PIKFYVE: variants seen among roughly 807,000 people sequenced by gnomAD.
PIKFYVE encodes phosphoinositide kinase, FYVE-type zinc finger containing.
A neutral mutation model predicts 257.9 loss-of-function variants in PIKFYVE; 122 were observed. The ratio of observed to expected loss-of-function variants is 0.47; its 90% CI spans 0.41 to 0.55. PIKFYVE has a LOEUF of 0.55. Ranked by LOEUF, PIKFYVE falls within the 20% of genes least tolerant of loss-of-function variation. The pLI is 0.00. For synonymous variants in PIKFYVE, 892 were observed against 868.9 expected (o/e 1.03, Z -0.47); for missense variants, 2,160 against 2,536.6 (o/e 0.85, Z 3.19).
chr2:208,309,108 T>C (rs1040336145), intron 12 of PIKFYVE, among the ~76,000 whole-genome samples: 1 of 152,230 alleles, frequency 6.6e-6, no homozygotes, highest in Non-Finnish European at 1.5e-5. Context: ...TCCTAGGTTA[T>C]GTTATAGGGA....
intron 32 of PIKFYVE, among the ~76,000 whole-genome samples, chr2:208,343,546 C>T (rs1251855723): frequency 6.6e-6 from 1 of 152,102 alleles, no homozygotes; most frequent in Non-Finnish European, 1.5e-5. Context: ...AAGAGATGAA[C>T]AACAACAATA....
At chr2:208,339,903 A>G (rs1698540022) in intron 30 of PIKFYVE, 108 bp from the exon 31 acceptor site, 6 of 1,255,764 alleles carry the variant, frequency 4.8e-6, no homozygotes, top group Non-Finnish European at 6.8e-6. Context: ...TGTTATTGGT[A>G]TAGTATACAT....
At chr2:208,324,777 A>T (rs1029737363) in intron 18 of PIKFYVE, 134 bp from the exon 19 acceptor site, 1 of 1,104,858 alleles carries the variant, frequency 9.1e-7, no homozygotes, top group Non-Finnish European at 1.3e-6. Flanking sequence ...AGAATAAAAA[A>T]ATTCATCATA....
chr2:208,268,278 T>G (rs770755406), intron 1 of PIKFYVE, among the ~76,000 whole-genome samples: 1 of 152,214 alleles, frequency 6.6e-6, no homozygotes, highest in Non-Finnish European at 1.5e-5. Flanking sequence ...ATAATTTTTG[T>G]GTAGATAACC....
intron 12 of PIKFYVE, among the ~76,000 whole-genome samples, chr2:208,307,011 C>T (rs911962678): frequency 3.3e-5 from 5 of 152,016 alleles, no homozygotes; most frequent in Non-Finnish European, 7.4e-5. Context: ...ACTCCTGGCC[C>T]CAAGTGATTC....
chr2:208,326,390 G>A lies in PIKFYVE; in HGVS notation c.3579G>A (p.Glu1193=), dbSNP rs755850909. The change falls in exon 20 of 42, where the codon GAG becomes GAA. Residue 1193 remains glutamate (E), a synonymous_variant. Coordinates refer to ENST00000264380, the MANE Select transcript of PIKFYVE (RefSeq NM_015040.4). ...GAAGCAAAAATGAGGGTGATGAAGA[G>A]AGAGGGCTTATTCTGAGTGATGCTG... The part of the protein sequence containing the change: ...QSGSKNEGDE[E]RGLILSDAVW... The A allele has an allele frequency of 1.9e-6, 3 of 1,613,988 alleles. No homozygotes were observed. Among genetic ancestry groups the A allele is most frequent in the South Asian group, 2.2e-5 (2 of 91,086 alleles).
chr2:208,355,050 A>G, intron 41 of PIKFYVE, 140 bp from the exon 42 acceptor site: 2 of 730,656 alleles, frequency 2.7e-6, no homozygotes, highest in East Asian at 2.7e-5. Context: ...GGCACAACAG[A>G]TAACCTTTCC....
In PIKFYVE at chr2:208,346,033, T is replaced by G. The variant is rs759829101; in HGVS notation, c.5112-17T>G. The G allele has an allele frequency of 6.3e-7, 1 of 1,597,260 alleles. No individual in the cohort carries two copies. The highest frequency in any genetic ancestry group is 1.7e-5 in the Admixed American group (1 of 59,936). On this transcript the variant is annotated splice_polypyrimidine_tract_variant and intron_variant, in intron 33 of 41. Transcript: ENST00000264380. ...TGTATAAAACTAAATTTTTCTTTTT[T>G]TTTCTTTTCATTTTAGTACTTCAGA... is the stretch of plus-strand genomic sequence containing the variant.
chr2:208,358,089 C>T lies in PIKFYVE; in HGVS notation c.*2784C>T, dbSNP rs1700261619. Reference sequence around the variant, plus strand: ...ATTTCCTACAAACTATAATTTTTTCCATGATTTAGCAGTGAGTGATTTTCT... The same window carrying T: ...ATTTCCTACAAACTATAATTTTTTCTATGATTTAGCAGTGAGTGATTTTCT... On this transcript the variant is annotated 3_prime_UTR_variant, in exon 42 of 42. Transcript: ENST00000264380. 6.6e-6 allele frequency: 1 copy of T among 151,890 alleles called. No individual in the cohort carries two copies. The highest frequency in any genetic ancestry group is 1.5e-5 in the Non-Finnish European group (1 of 67,974). The allele number at this position is 151,890 out of a possible 1,614,324, so 9.4% of individuals were successfully genotyped here.
chr2:208,325,536 G>A lies in PIKFYVE; in HGVS notation c.2725G>A (p.Gly909Ser), dbSNP rs1424012575. 2.5e-6 allele frequency: 4 copies of A among 1,614,022 alleles called. No individual in the cohort carries two copies. Among genetic ancestry groups the A allele is most frequent in the Non-Finnish European group, 3.4e-6 (4 of 1,179,988 alleles). Residue 909 changes from glycine (G) to serine (S), a missense_variant, in exon 20 of 42, where the codon GGT becomes AGT. Around this residue, in one of 12 missense-constraint regions of PIKFYVE, gnomAD observed 522 missense variants for 514.6 expected, o/e 1.01. Coordinates refer to ENST00000264380, the MANE Select transcript of PIKFYVE (RefSeq NM_015040.4). ...GGCTGTCCAAGAGCAGTACGGTGGA[G>A]GTTCCATCCCCTGGGATCCTGACAT... ...EGAVQEQYGG[G>S]SIPWDPDIPP...
At chr2:208,271,094 G>A (rs965628576) in intron 1 of PIKFYVE, among the ~76,000 whole-genome samples, 4 of 151,816 alleles carry the variant, frequency 2.6e-5, no homozygotes, top group Non-Finnish European at 2.9e-5. Context: ...TTATGTGTGT[G>A]TTGTATAACT....
Position 208,315,332 on chromosome 2 carries a change from G to A in PIKFYVE, c.1966G>A (p.Asp656Asn). 1 of 1,614,166 alleles carries A rather than the reference G, an allele frequency of 6.2e-7. No individual in the cohort carries two copies. Among genetic ancestry groups the A allele is most frequent in the Non-Finnish European group, 8.5e-7 (1 of 1,180,012 alleles). ...AGTCCGACCTGATGTCAAGAACCAG[G>A]ATGATGACATGGATATCCGTCAGTT... is the stretch of plus-strand genomic sequence containing the variant. Reference protein sequence around the residue: ...QTVRPDVKNQDDDMDIRQFVH... With the variant: ...QTVRPDVKNQNDDMDIRQFVH... The change falls in exon 15 of 42, where the codon GAT (aspartate) becomes AAT (asparagine). Residue 656 changes from aspartate to asparagine, a missense_variant. Physicochemically the swap from Asp to Asn is conservative, Grantham distance 23. Transcript: ENST00000264380.
intron 31 of PIKFYVE, 89 bp downstream of exon 31, chr2:208,340,220 A>T (rs949594855): frequency 1.3e-6 from 2 of 1,483,124 alleles, no homozygotes; most frequent in African/African-American, 2.8e-5. Flanking sequence ...TATCTGATGC[A>T]TGATTTTTCA....
chr2:208,324,238 A>T lies in PIKFYVE; in HGVS notation c.2287A>T (p.Met763Leu), dbSNP rs760036973. Residue 763 changes from methionine to leucine, a missense_variant, in exon 18 of 42, where the codon ATG (methionine) becomes TTG (leucine). By Grantham distance (15) the Met-to-Leu change is conservative. Coordinates refer to ENST00000264380, the MANE Select transcript of PIKFYVE (RefSeq NM_015040.4). ...EKTVSRIAQD[M>L]LLEHGITLVI... ...AACAGTGTCTCGGATTGCCCAGGACATGTTATTGGAACATGGCATTACTTT... is the reference window on the plus strand; with the variant it reads ...AACAGTGTCTCGGATTGCCCAGGACTTGTTATTGGAACATGGCATTACTTT... 3 of 1,614,046 alleles carry T rather than the reference A, an allele frequency of 1.9e-6. No individual in the cohort carries two copies.
intron 32 of PIKFYVE, among the ~76,000 whole-genome samples, chr2:208,343,496 C>G (rs946198622): frequency 6.6e-6 from 1 of 152,146 alleles, no homozygotes; most frequent in African/African-American, 2.4e-5. Flanking sequence ...ACATACATAC[C>G]TATGATAAAG....
At chr2:208,346,326 T>C (rs10190458) in intron 34 of PIKFYVE, among the ~76,000 whole-genome samples, 179 bp downstream of exon 34, 22,629 of 152,236 alleles carry the variant, frequency 0.15, 1,806 homozygotes, top group African/African-American at 0.2. Flanking sequence ...TTTTCTTCGT[T>C]GATTCTTGTC....
chr2:208,267,577 T>G (rs13017738), intron 1 of PIKFYVE, among the ~76,000 whole-genome samples: 146,625 of 148,966 alleles, frequency 0.98, 72,194 homozygotes, highest in East Asian at 1. Flanking sequence ...CGCGATCTCC[T>G]CCGACTGCAA....
chr2:208,305,707 T>C (rs1260460885), intron 12 of PIKFYVE, among the ~76,000 whole-genome samples: 1 of 152,196 alleles, frequency 6.6e-6, no homozygotes, highest in African/African-American at 2.4e-5. Flanking sequence ...GTTTTTAAAA[T>C]GGATGATGAG....
At chr2:208,269,890 C>G in intron 1 of PIKFYVE, 1 of 298,118 alleles carries the variant, frequency 3.4e-6, no homozygotes, top group Non-Finnish European at 6.9e-6. Flanking sequence ...CATGCTGCTG[C>G]TGGCTTGGCA....
Sources: allele counts gnomAD v4.1 joint callset (sites outside exome capture counted in the v4.1 genomes callset), GRCh38; gene constraint gnomAD v4.1.1; regional missense constraint gnomAD v4.1.1; transcripts MANE v1.5; gene names NCBI Gene and HGNC (gene_info 2026-07-23, HGNC 2026-07-21).